The following DLG2 variants were observed in gnomAD, a reference collection of about 807,000 sequenced individuals.
The protein encoded by DLG2 is discs large MAGUK scaffold protein 2, also known as disks large homolog 2.
DLG2 carries 45 observed loss-of-function variants against 132.5 expected under a neutral mutation model. The ratio of observed to expected loss-of-function variants is 0.34; its 90% CI spans 0.27 to 0.44. DLG2 has a LOEUF of 0.44. Among genes scored for constraint, DLG2 ranks in the 20% least tolerant of loss-of-function variants. The probability of loss-of-function intolerance (pLI) is 1.00; values close to 1 mark genes in which losing one functional copy is unlikely to be tolerated. For missense variants in DLG2, 1,045 were observed against 1,196.9 expected (o/e 0.87, Z 1.87); for synonymous variants, 424 against 419.6 (o/e 1.01, Z -0.13).
intron 24 of DLG2, among the ~76,000 whole-genome samples, chr11:83,470,468 C>A (rs2091888782): frequency 6.6e-6 from 1 of 152,084 alleles, no homozygotes; most frequent in African/African-American, 2.4e-5. Flanking sequence ...TTGACTATCA[C>A]AAAATGGTTC....
intron 11 of DLG2, among the ~76,000 whole-genome samples, chr11:84,020,420 A>G (rs909708608): frequency 6.6e-6 from 1 of 152,200 alleles, no homozygotes; most frequent in African/African-American, 2.4e-5. Flanking sequence ...AAACAGGTAT[A>G]TAAATAAAAA....
intron 11 of DLG2, among the ~76,000 whole-genome samples, chr11:84,030,283 G>A (rs1033040821): frequency 1.4e-4 from 22 of 151,988 alleles, no homozygotes; most frequent in African/African-American, 4.8e-4. Flanking sequence ...AATCCACATA[G>A]GATTGTTTGA....
chr11:84,223,702 G>T (rs1302440208), intron 8 of DLG2, among the ~76,000 whole-genome samples: 1 of 152,046 alleles, frequency 6.6e-6, no homozygotes, highest in Non-Finnish European at 1.5e-5. Flanking sequence ...GACTACAGGC[G>T]CATGTCACCA....
rs564618994 is a variant in DLG2 at position 83,656,521 on chromosome 11, G to A, written c.1826-23196C>T. Among the ~76,000 whole-genome samples the A allele has an allele frequency of 5.1e-4, 78 of 152,274 alleles. No homozygotes were observed. In the South Asian group the frequency reaches 9.6e-3, roughly 19 times the overall value. On this transcript the variant is annotated intron_variant, in intron 18 of 27. Transcript: ENST00000376104. ...AGTAGAACACTTGGGGAAGCAGGAG[G>A]GAGGGAAGAATGAGTAGAGGAAGAA...
chr11:84,510,761 C>A (rs117648571), intron 7 of DLG2, among the ~76,000 whole-genome samples: 2 of 152,116 alleles, frequency 1.3e-5, no homozygotes, highest in African/African-American at 4.8e-5. Context: ...TATGGCCTTA[C>A]ATAATGGGAA....
intron 5 of DLG2, among the ~76,000 whole-genome samples, chr11:85,144,400 G>A (rs984143723): frequency 1.4e-5 from 2 of 145,692 alleles, no homozygotes; most frequent in East Asian, 4.0e-4. Context: ...TCATTGGAAA[G>A]TTTAGTCCAT....
intron 6 of DLG2, among the ~76,000 whole-genome samples, chr11:85,089,000 A>G (rs1452130147): frequency 6.6e-6 from 1 of 152,188 alleles, no homozygotes; most frequent in Admixed American, 6.5e-5. Context: ...AAACCTAAAA[A>G]TATCTCCTCT....
At chr11:83,488,102 T>TA (rs1292484087) in intron 21 of DLG2, among the ~76,000 whole-genome samples, 1 of 151,982 alleles carries the variant, frequency 6.6e-6, no homozygotes, top group African/African-American at 2.4e-5. Flanking sequence ...CATTTCTTTT[T>TA]AAAAAAGGAC....
At chr11:85,166,039 A>C (rs749996924) in intron 4 of DLG2, among the ~76,000 whole-genome samples, 2 of 152,068 alleles carry the variant, frequency 1.3e-5, no homozygotes, top group African/African-American at 4.8e-5. Flanking sequence ...CGCCACCCAG[A>C]GATTTGTTAG....
intron 8 of DLG2, among the ~76,000 whole-genome samples, chr11:84,250,752 T>A (rs2097361560): frequency 6.6e-6 from 1 of 152,244 alleles, no homozygotes; most frequent in South Asian, 2.1e-4. Flanking sequence ...ATGCTCATGC[T>A]TTCATAAAAC....
At chr11:84,513,220 G>A (rs2099262294) in intron 7 of DLG2, among the ~76,000 whole-genome samples, 1 of 151,924 alleles carries the variant, frequency 6.6e-6, no homozygotes, top group African/African-American at 2.4e-5. Context: ...CATGTGTATG[G>A]ATTAGAAGAA....
At chr11:84,178,668 T>C (rs1206361558) in intron 8 of DLG2, among the ~76,000 whole-genome samples, 1 of 151,950 alleles carries the variant, frequency 6.6e-6, no homozygotes, top group Non-Finnish European at 1.5e-5. Context: ...CACCAATCAC[T>C]GGCTCACCAT....
intron 3 of DLG2, among the ~76,000 whole-genome samples, chr11:85,443,480 A>G (rs2091879100): frequency 6.6e-6 from 1 of 152,132 alleles, no homozygotes; most frequent in South Asian, 2.1e-4. Context: ...TTAATATTCT[A>G]TGTTTCTCTG....
chr11:85,564,273 T>C (rs1277926258), intron 3 of DLG2, among the ~76,000 whole-genome samples: 4 of 151,990 alleles, frequency 2.6e-5, no homozygotes, highest in Non-Finnish European at 5.9e-5. Context: ...ATAAGGTTCA[T>C]TTTTTCCTTT....
At chr11:83,911,829 G>C (rs1298125500) in intron 15 of DLG2, among the ~76,000 whole-genome samples, 1 of 152,006 alleles carries the variant, frequency 6.6e-6, no homozygotes, top group Non-Finnish European at 1.5e-5. Context: ...CTTTATGCCT[G>C]TTACTAAAAG....
At chr11:84,329,820 G>A (rs928156885) in intron 7 of DLG2, among the ~76,000 whole-genome samples, 6 of 152,172 alleles carry the variant, frequency 3.9e-5, no homozygotes, top group African/African-American at 1.4e-4. Context: ...TTCTATGTTT[G>A]TGTATAATGT....
At chr11:85,553,134 A>G (rs939201883) in intron 3 of DLG2, among the ~76,000 whole-genome samples, 1 of 151,770 alleles carries the variant, frequency 6.6e-6, no homozygotes, top group African/African-American at 2.4e-5. Context: ...TCCTGAGGAT[A>G]TAGCAGTGAA....
intron 19 of DLG2, among the ~76,000 whole-genome samples, chr11:83,618,552 C>T (rs2061176718): frequency 6.6e-6 from 1 of 151,952 alleles, no homozygotes. Flanking sequence ...AAGCGGAGGC[C>T]TAGAGGGAGA....
intron 4 of DLG2, among the ~76,000 whole-genome samples, chr11:85,258,718 T>C (rs1205927707): frequency 1.3e-5 from 2 of 152,162 alleles, no homozygotes; most frequent in Non-Finnish European, 2.9e-5. Context: ...CATTCAAAGG[T>C]GTGATTATTA....
Sources: allele counts gnomAD v4.1 joint callset (sites outside exome capture counted in the v4.1 genomes callset), GRCh38; gene constraint gnomAD v4.1.1; transcripts MANE v1.5; gene names NCBI Gene and HGNC (gene_info 2026-07-23, HGNC 2026-07-21).